TYW5: variants seen among roughly 807,000 people sequenced by gnomAD.
TYW5 encodes tRNA wybutosine-synthesizing protein 5.
In TYW5, 36 loss-of-function variants were observed where a neutral mutation model predicts 44.4. The ratio of observed to expected loss-of-function variants is 0.81; its 90% CI spans 0.62 to 1.07. TYW5 has a LOEUF of 1.07. Ranked by LOEUF, TYW5 falls within the 50% of genes least tolerant of loss-of-function variation. TYW5 has a pLI of 0.00. For synonymous variants in TYW5, 121 were observed against 128.1 expected (o/e 0.94, Z 0.37); for missense variants, 354 against 365.7 (o/e 0.97, Z 0.26).
At chr2:199,953,183 C>T (rs1258645211) in intron 1 of TYW5, among the ~76,000 whole-genome samples, 1 of 152,044 alleles carries the variant, frequency 6.6e-6, no homozygotes, top group Admixed American at 6.6e-5. Flanking sequence ...ATTAGCCGGA[C>T]GTCGGGGCGG....
At position 199,932,374 on chromosome 2, in the gene TYW5, C is replaced by T. The variant is rs1163559651; in HGVS notation, c.*693G>A. 1 of 152,186 alleles carries T rather than the reference C, an allele frequency of 6.6e-6. No individual in the cohort carries two copies. Among genetic ancestry groups the T allele is most frequent in the Non-Finnish European group, 1.5e-5 (1 of 68,030 alleles). The allele number at this position is 152,186 out of a possible 1,614,324, so 9.4% of individuals were successfully genotyped here. On this transcript the variant is annotated 3_prime_UTR_variant, in exon 8 of 8. Transcript: ENST00000354611. ...TATCAGAACCATGATTTTAAAAAAA[C>T]TATCCTTTCTGTCCCCATATATCCC...
chr2:199,943,449 C>T (rs1024729940), intron 3 of TYW5: 3 of 202,800 alleles, frequency 1.5e-5, no homozygotes, highest in Non-Finnish European at 3.0e-5. Context: ...ACATTTAATG[C>T]GTAATTTCTA....
At chr2:199,939,983 G>T in intron 4 of TYW5, 106 bp downstream of exon 4, 1 of 1,068,770 alleles carries the variant, frequency 9.4e-7, no homozygotes, top group Non-Finnish European at 1.4e-6. Flanking sequence ...GAAAAGGATA[G>T]AACAGGGAAT....
At chr2:199,935,263 T>C (rs1393254176) in intron 7 of TYW5, among the ~76,000 whole-genome samples, 1 of 152,040 alleles carries the variant, frequency 6.6e-6, no homozygotes, top group African/African-American at 2.4e-5. Flanking sequence ...TGTGTCTTAC[T>C]TGATGTCACT....
chr2:199,933,265 C>T lies in TYW5; in HGVS notation c.750G>A (p.Trp250Ter). The change falls in exon 8 of 8, where the codon TGG (tryptophan) becomes TGA (stop). Residue 250 changes from tryptophan (W) to a stop codon, truncating the protein, a stop_gained. Transcript: ENST00000354611. LOFTEE classifies it high-confidence loss of function. The part of the protein sequence containing the change: ...EEFGVGVNIF[W>*]KHLPSECYDK... ...CATAGCATTCAGATGGAAGGTGCTTCCAAAAGATATTCACTCCCACTCCAA... is the reference window on the plus strand; with the variant it reads ...CATAGCATTCAGATGGAAGGTGCTTTCAAAAGATATTCACTCCCACTCCAA... The T allele has an allele frequency of 1.2e-6, 2 of 1,613,858 alleles. No individual in the cohort carries two copies. The highest frequency in any genetic ancestry group is 1.7e-6 in the Non-Finnish European group (2 of 1,179,936).
intron 7 of TYW5, among the ~76,000 whole-genome samples, chr2:199,933,694 C>T (rs1284116296): frequency 2.6e-5 from 4 of 152,114 alleles, no homozygotes; most frequent in Non-Finnish European, 5.9e-5. Flanking sequence ...TTTTTTGGTA[C>T]ACAGAACATT....
chr2:199,948,003 T>C (rs1574807137), intron 2 of TYW5: 2 of 222,892 alleles, frequency 9.0e-6, no homozygotes, highest in African/African-American at 4.7e-5. Flanking sequence ...GAGGCAGGAG[T>C]ATCACTTGAA....
At chr2:199,938,744 T>C (rs114685538) in intron 5 of TYW5, among the ~76,000 whole-genome samples, 189 bp downstream of exon 5, 62 of 152,358 alleles carry the variant, frequency 4.1e-4, no homozygotes, top group Non-Finnish European at 7.8e-4. Context: ...AGGAACCAAC[T>C]AGGCTTTGCC....
At position 199,955,405 on chromosome 2, in the gene TYW5, G is replaced by A. The variant is rs2077589718; in HGVS notation, c.66C>T (p.His22=). 1 of 1,613,622 alleles carries A rather than the reference G, an allele frequency of 6.2e-7. No homozygotes were observed. The highest frequency in any genetic ancestry group is 1.1e-5 in the South Asian group (1 of 90,930). The change falls in exon 1 of 8, where the codon CAC becomes CAT. Residue 22 remains histidine, a synonymous_variant. Transcript: ENST00000354611. ...EGVSREQFMQ[H]LYPQRKPLVL... ...GCGAGGGCCTCACCTGTGGGTAGAG[G>A]TGCTGCATGAACTGCTCCCGAGAAA... is the stretch of plus-strand genomic sequence containing the variant.
chr2:199,940,102 T>C lies in TYW5; in HGVS notation c.335A>G (p.Glu112Gly). The change falls in exon 4 of 8, where the codon GAA becomes GGA. Residue 112 changes from glutamate to glycine, a missense_variant. Physicochemically the swap from Glu to Gly is moderately conservative, Grantham distance 98 (BLOSUM62 -2). Coordinates refer to ENST00000354611, the MANE Select transcript of TYW5 (RefSeq NM_001039693.3). Reference sequence around the variant, plus strand: ...TAGAATTCTTACCTTTCTAGGGTCTTCTCCAAGTGACCGTAAGTAGTATTT... The same window carrying C: ...TAGAATTCTTACCTTTCTAGGGTCTCCTCCAAGTGACCGTAAGTAGTATTT... ...DEKYYLRSLG[E>G]DPRKDVADIR... 1 of 1,612,822 alleles carries C rather than the reference T, an allele frequency of 6.2e-7. No homozygotes were observed. Among genetic ancestry groups the C allele is most frequent in the South Asian group, 1.1e-5 (1 of 90,982 alleles).
Sources: allele counts gnomAD v4.1 joint callset (sites outside exome capture counted in the v4.1 genomes callset), GRCh38; gene constraint gnomAD v4.1.1; transcripts MANE v1.5; gene names NCBI Gene and HGNC (gene_info 2026-07-23, HGNC 2026-07-21).